The following AUH variants were observed in gnomAD, a reference collection of about 807,000 sequenced individuals.
The protein encoded by AUH is methylglutaconyl-CoA hydratase, mitochondrial.
Under a neutral mutation model 42.3 loss-of-function variants are expected in AUH, and 29 were observed. The ratio of observed to expected loss-of-function variants is 0.69; its 90% CI spans 0.51 to 0.93. The LOEUF is 0.93. Among genes scored for constraint, AUH ranks in the 40% least tolerant of loss-of-function variants. The pLI is 0.00. For missense variants in AUH, 452 were observed against 438.1 expected (o/e 1.03, Z -0.28); for synonymous variants, 174 against 166.4 (o/e 1.05, Z -0.35).
intron 6 of AUH, among the ~76,000 whole-genome samples, chr9:91,231,258 G>A (rs1045898830): frequency 1.3e-5 from 2 of 152,312 alleles, no homozygotes; most frequent in African/African-American, 2.4e-5. Flanking sequence ...GTGGTGCGCC[G>A]TTTTTTAAGC....
At chr9:91,284,584 C>G (rs905389204) in intron 6 of AUH, among the ~76,000 whole-genome samples, 10 of 152,076 alleles carry the variant, frequency 6.6e-5, no homozygotes, top group Non-Finnish European at 1.2e-4. Context: ...GGCTAATATC[C>G]AGAATCTACA....
At chr9:91,344,940 G>C (rs777456954) in intron 3 of AUH, among the ~76,000 whole-genome samples, 23 of 151,638 alleles carry the variant, frequency 1.5e-4, no homozygotes, top group Non-Finnish European at 3.4e-4. Context: ...ATATTGACAG[G>C]CTGAAAAATA....
intron 6 of AUH, among the ~76,000 whole-genome samples, chr9:91,274,122 C>T (rs953921963): frequency 1.3e-5 from 2 of 151,996 alleles, no homozygotes; most frequent in African/African-American, 4.8e-5. Context: ...AGAATACAAA[C>T]GTGCAAAGCA....
chr9:91,247,703 C>A (rs1828876523), intron 6 of AUH, among the ~76,000 whole-genome samples: 1 of 152,134 alleles, frequency 6.6e-6, no homozygotes, highest in South Asian at 2.1e-4. Flanking sequence ...TAATTTTAGT[C>A]ATTCTATAGG....
At chr9:91,264,125 CAT>C (rs1339527032) in intron 6 of AUH, among the ~76,000 whole-genome samples, 3 of 152,044 alleles carry the variant, frequency 2.0e-5, no homozygotes, top group African/African-American at 7.2e-5. Flanking sequence ...TATACACACA[CAT>C]ATATGTGTTA....
chr9:91,219,134 C>A (rs576143833), intron 7 of AUH, among the ~76,000 whole-genome samples: 1 of 152,170 alleles, frequency 6.6e-6, no homozygotes, highest in Non-Finnish European at 1.5e-5. Flanking sequence ...CTCACGTTCT[C>A]AGGCGGGGCG....
At chr9:91,258,542 G>A (rs1327487839) in intron 6 of AUH, among the ~76,000 whole-genome samples, 1 of 152,182 alleles carries the variant, frequency 6.6e-6, no homozygotes, top group Non-Finnish European at 1.5e-5. Flanking sequence ...GCCTCTGTAT[G>A]TCTTTTATTT....
intron 4 of AUH, among the ~76,000 whole-genome samples, chr9:91,318,266 A>C (rs577124592): frequency 5.1e-4 from 78 of 152,360 alleles, no homozygotes; most frequent in Non-Finnish European, 9.1e-4. Flanking sequence ...TTGGTTGATC[A>C]CTTCAGTGAT....
chr9:91,292,632 A>T (rs1227194636), intron 6 of AUH, among the ~76,000 whole-genome samples: 1 of 152,032 alleles, frequency 6.6e-6, no homozygotes, highest in African/African-American at 2.4e-5. Context: ...GCTGTTGGTG[A>T]GGACACACAC....
intron 1 of AUH, among the ~76,000 whole-genome samples, chr9:91,357,738 G>A (rs969338009): frequency 6.6e-6 from 1 of 152,124 alleles, no homozygotes; most frequent in Non-Finnish European, 1.5e-5. Context: ...AAGGAGAGGG[G>A]CTGACTGCCA....
intron 1 of AUH, among the ~76,000 whole-genome samples, chr9:91,359,300 CCA>C (rs1197443477): frequency 2.6e-5 from 4 of 152,182 alleles, no homozygotes; most frequent in African/African-American, 4.8e-5. Flanking sequence ...CCAGAAGAAG[CCA>C]CAGTTATCAC....
intron 3 of AUH, among the ~76,000 whole-genome samples, chr9:91,325,679 G>A (rs2131863195): frequency 6.6e-6 from 1 of 152,210 alleles, no homozygotes; most frequent in South Asian, 2.1e-4. Flanking sequence ...ACTATAGTTG[G>A]CATCTACTGA....
intron 3 of AUH, among the ~76,000 whole-genome samples, chr9:91,329,015 T>C (rs1335748571): frequency 6.6e-6 from 1 of 152,228 alleles, no homozygotes; most frequent in Non-Finnish European, 1.5e-5. Flanking sequence ...AATAAATTCA[T>C]ACAATATGTG....
intron 6 of AUH, among the ~76,000 whole-genome samples, chr9:91,292,750 C>T (rs1179685663): frequency 6.6e-6 from 1 of 152,150 alleles, no homozygotes; most frequent in African/African-American, 2.4e-5. Flanking sequence ...AACTTAAGAA[C>T]TACCATCTTC....
chr9:91,324,012 A>G (rs2131850930), intron 4 of AUH, among the ~76,000 whole-genome samples: 1 of 152,346 alleles, frequency 6.6e-6, no homozygotes, highest in African/African-American at 2.4e-5. Flanking sequence ...TCAAGGAAAA[A>G]GAATAATAAA....
At chr9:91,313,255 G>C (rs1454893857) in intron 4 of AUH, among the ~76,000 whole-genome samples, 1 of 152,162 alleles carries the variant, frequency 6.6e-6, no homozygotes, top group Non-Finnish European at 1.5e-5. Flanking sequence ...AATCTGGTCT[G>C]CTGGGGATTT....
chr9:91,306,419 A>T (rs1450952020), intron 4 of AUH: 2 of 978,280 alleles, frequency 2.0e-6, no homozygotes, highest in Non-Finnish European at 2.4e-6. Context: ...TGGTAAATGC[A>T]GTCACTTCTA....
chr9:91,331,443 ATAATT>A (rs948645509), intron 3 of AUH, among the ~76,000 whole-genome samples: 3 of 152,246 alleles, frequency 2.0e-5, no homozygotes, highest in Non-Finnish European at 4.4e-5. Flanking sequence ...AGTGTATCTA[ATAATT>A]TAATACCTGG....
intron 6 of AUH, among the ~76,000 whole-genome samples, chr9:91,282,814 T>C (rs1408767265): frequency 4.6e-5 from 7 of 151,952 alleles, no homozygotes; most frequent in Non-Finnish European, 1.0e-4. Context: ...ATTGAGGCAA[T>C]AATTAATAGC....
Sources: allele counts gnomAD v4.1 joint callset (sites outside exome capture counted in the v4.1 genomes callset), GRCh38; gene constraint gnomAD v4.1.1; transcripts MANE v1.5; gene names NCBI Gene and HGNC (gene_info 2026-07-23, HGNC 2026-07-21).